SCGB2A1: variants seen among roughly 807,000 people sequenced by gnomAD.
SCGB2A1 encodes secretoglobin family 2A member 1.
In SCGB2A1, 6 loss-of-function variants were observed where a neutral mutation model predicts 9.2. The ratio of observed to expected loss-of-function variants is 0.66; its 90% CI spans 0.36 to 1.29. The LOEUF (loss-of-function observed/expected upper bound fraction) is 1.29. Ranked by LOEUF, SCGB2A1 falls within the 50% of genes most tolerant of loss-of-function variation. The probability of loss-of-function intolerance (pLI) is 0.03; values close to 1 mark genes in which losing one functional copy is unlikely to be tolerated. For missense variants in SCGB2A1, 138 were observed against 116.9 expected (o/e 1.18, Z -0.83); for synonymous variants, 37 against 41.0 (o/e 0.90, Z 0.37).
intron 1 of SCGB2A1, among the ~76,000 whole-genome samples, chr11:62,209,572 T>C (rs535007314): frequency 6.6e-6 from 1 of 152,002 alleles, no homozygotes; most frequent in Admixed American, 6.6e-5. Context: ...CTGAGCTCGT[T>C]CCTCTCCCTT....
chr11:62,211,014 C>T (rs920364934), intron 2 of SCGB2A1, among the ~76,000 whole-genome samples: 1 of 151,604 alleles, frequency 6.6e-6, no homozygotes, highest in Admixed American at 6.6e-5. Context: ...ACCTCCACCT[C>T]CCGGGTTCAA....
intron 2 of SCGB2A1, 144 bp downstream of exon 2, chr11:62,210,744 T>A (rs1425007722): frequency 5.0e-6 from 3 of 605,216 alleles, no homozygotes; most frequent in Non-Finnish European, 8.0e-6. Context: ...CCAGGCTGCT[T>A]TGCCACTTCA....
At position 62,208,708 on chromosome 11, in the gene SCGB2A1, A is replaced by G; in HGVS notation, c.-24A>G. 1 of 1,613,386 alleles carries G rather than the reference A, an allele frequency of 6.2e-7. No individual in the cohort carries two copies. Among genetic ancestry groups the G allele is most frequent in the Non-Finnish European group, 8.5e-7 (1 of 1,179,724 alleles). ...CCTTGATCCCTGCCACGCACGACTGAACACAGACAGCAGCCGCCTCGCCAT... is the reference window on the plus strand; with the variant it reads ...CCTTGATCCCTGCCACGCACGACTGGACACAGACAGCAGCCGCCTCGCCAT... On this transcript the variant is annotated 5_prime_UTR_variant, in exon 1 of 3. Coordinates refer to ENST00000244930, the MANE Select transcript of SCGB2A1 (RefSeq NM_002407.3).
intron 2 of SCGB2A1, among the ~76,000 whole-genome samples, chr11:62,213,069 TAC>T (rs1318422540): frequency 0.018 from 900 of 51,354 alleles, 28 homozygotes; most frequent in African/African-American, 0.035. Flanking sequence ...TACACATATA[TAC>T]ATATATACAC....
chr11:62,210,221 G>A (rs538353239), intron 1 of SCGB2A1, among the ~76,000 whole-genome samples, 192 bp from the exon 2 acceptor site: 1 of 152,132 alleles, frequency 6.6e-6, no homozygotes, highest in Admixed American at 6.5e-5. Flanking sequence ...GAAGGTCAGA[G>A]AGAATTTGCA....
At chr11:62,209,704 C>G (rs1356189310) in intron 1 of SCGB2A1, among the ~76,000 whole-genome samples, 1 of 146,984 alleles carries the variant, frequency 6.8e-6, no homozygotes, top group Non-Finnish European at 1.5e-5. Context: ...GCTCTGTCAC[C>G]CAGGCTGGGA....
chr11:62,213,040 A>ACGTGCACATATG (rs1350737466), intron 2 of SCGB2A1, among the ~76,000 whole-genome samples: 3 of 122,222 alleles, frequency 2.5e-5, no homozygotes, highest in African/African-American at 5.7e-5. Flanking sequence ...ACACACATAT[A>ACGTGCACATATG]TACATATATA....
At chr11:62,213,660 C>A in intron 2 of SCGB2A1, 66 bp from the exon 3 acceptor site, 1 of 1,480,124 alleles carries the variant, frequency 6.8e-7, no homozygotes, top group Non-Finnish European at 9.3e-7. Context: ...AACAAGAAGA[C>A]AAGTTTTAAT....
chr11:62,211,818 T>C (rs767859820), intron 2 of SCGB2A1, among the ~76,000 whole-genome samples: 1 of 152,250 alleles, frequency 6.6e-6, no homozygotes, highest in African/African-American at 2.4e-5. Flanking sequence ...ATTATGGGTA[T>C]GAAACAGCAC....
intron 2 of SCGB2A1, among the ~76,000 whole-genome samples, chr11:62,211,228 C>T (rs1340471726): frequency 1.3e-5 from 2 of 151,928 alleles, no homozygotes; most frequent in Non-Finnish European, 2.9e-5. Flanking sequence ...CCAGCCAGAA[C>T]ATGCACATTT....
chr11:62,209,226 G>T (rs890711797), intron 1 of SCGB2A1, among the ~76,000 whole-genome samples: 9 of 152,222 alleles, frequency 5.9e-5, no homozygotes, highest in African/African-American at 2.2e-4. Context: ...ACCCTGTGTG[G>T]CTCACTCTGT....
chr11:62,209,498 TCA>T (rs756367039), intron 1 of SCGB2A1, among the ~76,000 whole-genome samples: 1 of 152,238 alleles, frequency 6.6e-6, no homozygotes, highest in Non-Finnish European at 1.5e-5. Flanking sequence ...GGTGACAAGC[TCA>T]CAGTCAACTA....
At position 62,213,797 on chromosome 11, in the gene SCGB2A1, G is replaced by A. The variant is rs1944858308; in HGVS notation, c.*27G>A. ...TTTACCCAAGGCGTTTGGCTCAGAG[G>A]GCTACAGACTATGGCCAGAACTCAT... On this transcript the variant is annotated 3_prime_UTR_variant, in exon 3 of 3. Coordinates refer to ENST00000244930, the MANE Select transcript of SCGB2A1 (RefSeq NM_002407.3). 2 of 1,604,230 alleles carry A rather than the reference G, an allele frequency of 1.2e-6. No homozygotes were observed. Among genetic ancestry groups the A allele is most frequent in the South Asian group, 1.1e-5 (1 of 90,466 alleles).
chr11:62,209,057 G>A lies in SCGB2A1; in HGVS notation c.55+271G>A, dbSNP rs186497968. On this transcript the variant is annotated intron_variant, in intron 1 of 2. Transcript: ENST00000244930. ...CCATAGAAACCAGGATGAGTCTCAG[G>A]ATTAAATATTGAAATGAACTATTTC... Among the ~76,000 whole-genome samples the A allele has an allele frequency of 1.3e-5, 2 of 152,282 alleles. 1 individual carries two copies. The highest frequency in any genetic ancestry group is 3.9e-4 in the East Asian group (2 of 5,174).
chr11:62,208,835 G>A, intron 1 of SCGB2A1, 49 bp downstream of exon 1: 1 of 1,584,800 alleles, frequency 6.3e-7, no homozygotes, highest in Non-Finnish European at 8.6e-7. Context: ...ATTGTCACCT[G>A]GGCCCCTGTA....
intron 2 of SCGB2A1, among the ~76,000 whole-genome samples, chr11:62,213,035 C>CAT: frequency 9.6e-6 from 1 of 104,026 alleles, no homozygotes; most frequent in Admixed American, 1.0e-4. Context: ...TATATACACA[C>CAT]ATATATACAT....
Position 62,210,572 on chromosome 11 carries a change from G to T in SCGB2A1, c.215G>T (p.Arg72Ile). ...CAGTGTTTCCTCAACCAGTCACATA[G>T]AACTCTGAAAAACTTTGGACTGATG... The part of the protein sequence containing the change: ...FKQCFLNQSH[R>I]TLKNFGLMMH... The change falls in exon 2 of 3, where the codon AGA (arginine) becomes ATA (isoleucine). Residue 72 changes from arginine to isoleucine, a missense_variant. Arg to Ile is a moderately conservative substitution (Grantham distance 97). Transcript: ENST00000244930. 1 of 1,560,700 alleles carries T rather than the reference G, an allele frequency of 6.4e-7. No homozygotes were observed. The highest frequency in any genetic ancestry group is 1.3e-5 in the South Asian group (1 of 77,672).
rs1944820917 is a variant in SCGB2A1 at position 62,210,510 on chromosome 11, C to G, written c.153C>G (p.Asp51Glu). The G allele has an allele frequency of 1.9e-6, 3 of 1,595,440 alleles. No homozygotes were observed. Among genetic ancestry groups the G allele is most frequent in the South Asian group, 2.4e-5 (2 of 84,984 alleles). ...AAGAGCTTCTTCAAGAGTTCATAGACAGTGATGCCGCTGCAGAGGCTATGG... is the reference window on the plus strand; with the variant it reads ...AAGAGCTTCTTCAAGAGTTCATAGAGAGTGATGCCGCTGCAGAGGCTATGG... ...EYKELLQEFI[D>E]SDAAAEAMGK... is the part of the protein sequence containing the mutation. Residue 51 changes from aspartate to glutamate, a missense_variant, in exon 2 of 3, where the codon GAC (aspartate) becomes GAG (glutamate). Transcript: ENST00000244930.
intron 1 of SCGB2A1, 24 bp from the exon 2 acceptor site, chr11:62,210,386 CTTT>C (rs201416395): frequency 7.8e-3 from 10,428 of 1,338,774 alleles, no homozygotes; most frequent in Middle Eastern, 0.014. Context: ...GTTCTTGTGT[CTTT>C]TTTTTTTTTT....
Sources: gnomAD v4.1 joint callset for allele counts (sites outside exome capture counted in the v4.1 genomes callset) on GRCh38, gnomAD v4.1.1 for gene constraint, MANE v1.5 for transcripts, NCBI Gene and HGNC (gene_info 2026-07-23, HGNC 2026-07-21) for gene names.